PPP1R9A: variants seen among roughly 807,000 people sequenced by gnomAD.
The protein encoded by PPP1R9A is protein phosphatase 1 regulatory subunit 9A.
A neutral mutation model predicts 141.9 loss-of-function variants in PPP1R9A; 59 were observed. That is an observed-to-expected ratio of 0.42 (90% CI 0.34 to 0.52). The LOEUF (loss-of-function observed/expected upper bound fraction) is 0.52. Ranked by LOEUF, PPP1R9A falls within the 20% of genes least tolerant of loss-of-function variation. The probability of loss-of-function intolerance (pLI) is 0.10; values close to 1 mark genes in which losing one functional copy is unlikely to be tolerated. For synonymous variants in PPP1R9A, 500 were observed against 569.7 expected (o/e 0.88, Z 1.74); for missense variants, 1,444 against 1,611.9 (o/e 0.90, Z 1.78).
chr7:94,977,548 G>T (rs747669159), intron 2 of PPP1R9A, among the ~76,000 whole-genome samples: 1 of 152,080 alleles, frequency 6.6e-6, no homozygotes, highest in South Asian at 2.1e-4. Flanking sequence ...TGGGACAAAA[G>T]CTTGAATGGG....
intron 2 of PPP1R9A, among the ~76,000 whole-genome samples, chr7:95,075,611 G>A (rs964182761): frequency 5.9e-5 from 9 of 152,034 alleles, no homozygotes; most frequent in East Asian, 3.9e-4. Context: ...TGAGGCAGGC[G>A]GATCACAATG....
intron 4 of PPP1R9A, 79 bp from the exon 5 acceptor site, chr7:95,161,788 A>G (rs1320269816): frequency 3.3e-6 from 3 of 907,852 alleles, no homozygotes; most frequent in Admixed American, 2.8e-5. Context: ...TATTTTGTCA[A>G]CTGATTTGTT....
chr7:95,078,445 G>A (rs1437367873), intron 2 of PPP1R9A, among the ~76,000 whole-genome samples: 1 of 151,662 alleles, frequency 6.6e-6, no homozygotes, highest in Non-Finnish European at 1.5e-5. Context: ...AAACATACGT[G>A]TGCATGTGTC....
intron 2 of PPP1R9A, among the ~76,000 whole-genome samples, chr7:95,081,154 GA>G (rs1031906024): frequency 2.0e-5 from 3 of 151,318 alleles, no homozygotes; most frequent in Admixed American, 1.3e-4. Context: ...CCACATCCCA[GA>G]AAAAAAAGCT....
intron 2 of PPP1R9A, among the ~76,000 whole-genome samples, chr7:94,995,584 C>A (rs1563095590): frequency 6.6e-6 from 1 of 151,782 alleles, no homozygotes; most frequent in African/African-American, 2.4e-5. Context: ...TTTCTGTACT[C>A]TACTGTTAAT....
chr7:94,972,026 C>A (rs750745484), intron 2 of PPP1R9A, among the ~76,000 whole-genome samples: 8 of 152,132 alleles, frequency 5.3e-5, no homozygotes, highest in Non-Finnish European at 8.8e-5. Flanking sequence ...AGTTTGTATT[C>A]TCATAATGAG....
chr7:95,197,579 G>A (rs1335346851), intron 5 of PPP1R9A, among the ~76,000 whole-genome samples: 1 of 152,046 alleles, frequency 6.6e-6, no homozygotes, highest in Non-Finnish European at 1.5e-5. Context: ...AAACACTTAA[G>A]TTTTCCTTTT....
At chr7:95,251,935 T>A in intron 11 of PPP1R9A, 24 bp from the exon 12 acceptor site, 7 of 1,607,270 alleles carry the variant, frequency 4.4e-6, no homozygotes, top group Non-Finnish European at 5.9e-6. Context: ...TTTAGAGTTT[T>A]ATAAATGGAT....
intron 6 of PPP1R9A, chr7:95,202,530 TTTTC>T: frequency 1.3e-6 from 1 of 744,502 alleles, no homozygotes; most frequent in Non-Finnish European, 1.6e-6. Context: ...CTTGTTTTTT[TTTTC>T]TTTCTTTCTC....
In PPP1R9A at chr7:95,251,961, TAG is replaced by T; in HGVS notation, c.2500_2501del (p.Asp834PhefsTer4). On this transcript the variant is annotated frameshift_variant, in exon 12 of 20. Transcript: ENST00000433360. LOFTEE classifies it high-confidence loss of function. The part of the protein sequence containing the change: ...VEVQGLQVRI[R>X]DLEAEVFRLL... ...ATAAATGGATTTGTTTTTCCTAGAT[TAG>T]AGATTTGGAAGCTGAGGTATTCAGG... 1 of 1,606,250 alleles carries T rather than the reference TAG, an allele frequency of 6.2e-7. No homozygotes were observed. Among genetic ancestry groups the T allele is most frequent in the Non-Finnish European group, 8.5e-7 (1 of 1,177,920 alleles).
intron 2 of PPP1R9A, among the ~76,000 whole-genome samples, chr7:94,927,010 A>T (rs1793563964): frequency 6.6e-6 from 1 of 152,194 alleles, no homozygotes; most frequent in Non-Finnish European, 1.5e-5. Context: ...AGTTGTTATT[A>T]AGCTGAAATA....
chr7:95,273,979 G>A lies in PPP1R9A; in HGVS notation c.3205G>A (p.Asp1069Asn), dbSNP rs1262280003. ...AGGAAAAATTAAGCGGAAGTTTGTG[G>A]ATCTGGGGTAAGCACTTCACGATGT... ...QGGKIKRKFV[D>N]LGAPLRRNSS... Residue 1069 changes from aspartate to asparagine, a missense_variant, in exon 15 of 20, where the codon GAT becomes AAT. This residue lies in a region of PPP1R9A where 459 missense variants were observed against 513.8 expected (regional missense o/e 0.89). Coordinates refer to ENST00000433360, the MANE Select transcript of PPP1R9A (RefSeq NM_001166160.2). 9 of 1,504,200 alleles carry A rather than the reference G, an allele frequency of 6.0e-6. No individual in the cohort carries two copies. Among genetic ancestry groups the A allele is most frequent in the South Asian group, 1.1e-5 (1 of 88,160 alleles). 93.2% of individuals were successfully genotyped at this position (1,504,200 alleles called of 1,614,324 possible).
chr7:95,251,680 T>C, intron 10 of PPP1R9A, 82 bp from the exon 11 acceptor site: 1 of 1,274,756 alleles, frequency 7.8e-7, no homozygotes, highest in Non-Finnish European at 1.1e-6. Context: ...TTGCTTATCC[T>C]ACTATGCAGT....
rs145427464 is a variant in PPP1R9A at position 95,173,921 on chromosome 7, A to T, written c.1754+11950A>T. 5.4e-3 allele frequency among the ~76,000 whole-genome samples: 824 copies of T among 152,176 alleles called. 7 individuals are homozygous for T. The highest frequency in any genetic ancestry group is 0.019 in the African/African-American group (778 of 41,534). ...GGTTCACATTTATTTGCTGATCGGA[A>T]TGCAAAATAGCACAACCACTTTGCA... On this transcript the variant is annotated intron_variant, in intron 5 of 19. Coordinates refer to ENST00000433360, the MANE Select transcript of PPP1R9A (RefSeq NM_001166160.2).
At chr7:95,129,256 A>T (rs1021243307) in intron 4 of PPP1R9A, among the ~76,000 whole-genome samples, 3 of 152,044 alleles carry the variant, frequency 2.0e-5, no homozygotes, top group African/African-American at 4.8e-5. Context: ...GTGGGAGGTG[A>T]TTGAATTTTG....
intron 7 of PPP1R9A, among the ~76,000 whole-genome samples, chr7:95,204,201 A>G (rs1203797606): frequency 6.6e-6 from 1 of 152,212 alleles, no homozygotes; most frequent in African/African-American, 2.4e-5. Flanking sequence ...CATGATTTAT[A>G]TGGTAGACAT....
At chr7:95,211,418 A>G (rs1295020357) in intron 7 of PPP1R9A, among the ~76,000 whole-genome samples, 2 of 152,166 alleles carry the variant, frequency 1.3e-5, no homozygotes, top group Non-Finnish European at 2.9e-5. Flanking sequence ...GATGTCTTCA[A>G]TTCATAGGTT....
chr7:95,194,719 C>CAAAAAAAA (rs372060355), intron 5 of PPP1R9A, among the ~76,000 whole-genome samples: 1 of 114,588 alleles, frequency 8.7e-6, no homozygotes, highest in African/African-American at 2.9e-5. Flanking sequence ...CTTACAATAC[C>CAAAAAAAA]AAAAAAAAAA....
intron 4 of PPP1R9A, 68 bp from the exon 5 acceptor site, chr7:95,161,799 G>T: frequency 9.8e-7 from 1 of 1,018,460 alleles, no homozygotes; most frequent in South Asian, 1.7e-5. Flanking sequence ...CTGATTTGTT[G>T]GAAATGATTA....
Sources: allele counts gnomAD v4.1 joint callset (sites outside exome capture counted in the v4.1 genomes callset), GRCh38; gene constraint gnomAD v4.1.1; regional missense constraint gnomAD v4.1.1; transcripts MANE v1.5; gene names NCBI Gene and HGNC (gene_info 2026-07-23, HGNC 2026-07-21).